TMPRSS12: variants seen among roughly 807,000 people sequenced by gnomAD.
TMPRSS12 encodes transmembrane serine protease 12.
A neutral mutation model predicts 26.0 loss-of-function variants in TMPRSS12; 25 were observed. The observed-to-expected ratio is 0.96, with a 90% CI of 0.70 to 1.34. The LOEUF is 1.34. TMPRSS12 is among the 40% of genes most tolerant of loss of function. The pLI is 0.00. For synonymous variants in TMPRSS12, 150 were observed against 161.7 expected, an observed-to-expected ratio of 0.93 and a Z score of 0.55; for missense variants, 441 against 440.1, an observed-to-expected ratio of 1.00 and a Z score of -0.02.
In TMPRSS12 at chr12:50,843,053, G is replaced by A. The variant is rs1477794939; in HGVS notation, c.89G>A (p.Arg30Lys). ...SDHYSPSGRH[R>K]LGPSPEPAAS... ...CACTACTCGCCCTCTGGAAGGCACA[G>A]GCTCGGCCCCTCGCCGGAACCGGCG... The change falls in exon 1 of 5, where the codon AGG (arginine) becomes AAG (lysine). Residue 30 changes from arginine to lysine, a missense_variant. Coordinates refer to ENST00000398458, the MANE Select transcript of TMPRSS12 (RefSeq NM_182559.3). 6.2e-7 allele frequency: 1 copy of A among 1,601,350 alleles called. No individual in the cohort carries two copies. Among genetic ancestry groups the A allele is most frequent in the Non-Finnish European group, 8.5e-7 (1 of 1,174,392 alleles).
chr12:50,886,273 T>C (rs1450270919), intron 4 of TMPRSS12: 1 of 150,006 alleles, frequency 6.7e-6, no homozygotes, highest in Non-Finnish European at 1.5e-5. Context: ...TCTGAGGTTA[T>C]CATTTGCAGC....
intron 3 of TMPRSS12, among the ~76,000 whole-genome samples, 166 bp downstream of exon 3, chr12:50,859,219 CT>C (rs34544871): frequency 1.1e-3 from 158 of 144,716 alleles, no homozygotes; most frequent in East Asian, 1.6e-3. Context: ...TTTATGGTAC[CT>C]TTTTTTTTTT....
intron 1 of TMPRSS12, 54 bp downstream of exon 1, chr12:50,843,205 G>A (rs1396052697): frequency 2.4e-5 from 35 of 1,449,390 alleles, no homozygotes; most frequent in African/African-American, 2.9e-5. Flanking sequence ...TTTCCCCACC[G>A]CTATAGTCTT....
intron 3 of TMPRSS12, among the ~76,000 whole-genome samples, chr12:50,866,608 G>T (rs1243474889): frequency 6.6e-6 from 1 of 151,724 alleles, no homozygotes; most frequent in Non-Finnish European, 1.5e-5. Context: ...TCCACCACTG[G>T]TTTCTCTCCA....
intron 3 of TMPRSS12, among the ~76,000 whole-genome samples, chr12:50,880,080 A>C (rs1938149616): frequency 6.6e-6 from 1 of 152,240 alleles, no homozygotes; most frequent in South Asian, 2.1e-4. Flanking sequence ...GTAGGTATAC[A>C]AATGGCTAAT....
chr12:50,860,325 T>TA (rs1237359518), intron 3 of TMPRSS12, among the ~76,000 whole-genome samples: 1 of 152,200 alleles, frequency 6.6e-6, no homozygotes, highest in African/African-American at 2.4e-5. Context: ...AATAAAAACA[T>TA]AGACGACACA....
chr12:50,881,230 G>A (rs557664462), intron 3 of TMPRSS12, among the ~76,000 whole-genome samples: 10 of 152,006 alleles, frequency 6.6e-5, no homozygotes, highest in African/African-American at 2.2e-4. Flanking sequence ...TAATCTGCCC[G>A]CCTCAGCCTC....
chr12:50,860,871 A>C (rs1937927885), intron 3 of TMPRSS12, among the ~76,000 whole-genome samples: 1 of 152,050 alleles, frequency 6.6e-6, no homozygotes, highest in South Asian at 2.1e-4. Flanking sequence ...TCAGCCTCCC[A>C]AAGTGCTGAG....
chr12:50,844,828 T>C (rs1169624582), intron 2 of TMPRSS12, among the ~76,000 whole-genome samples: 1 of 152,200 alleles, frequency 6.6e-6, no homozygotes, highest in Non-Finnish European at 1.5e-5. Flanking sequence ...TAAAACTTTA[T>C]GAACACTGAA....
At chr12:50,856,752 CA>C (rs1159555763) in intron 2 of TMPRSS12, among the ~76,000 whole-genome samples, 1 of 152,144 alleles carries the variant, frequency 6.6e-6, no homozygotes, top group Non-Finnish European at 1.5e-5. Flanking sequence ...GTGGCATAGT[CA>C]TGGCTCACTG....
At chr12:50,850,170 T>C (rs864900) in intron 2 of TMPRSS12, among the ~76,000 whole-genome samples, 130,552 of 152,186 alleles carry the variant, frequency 0.86, 57,107 homozygotes, top group East Asian at 0.98. Context: ...ATCCCCAGTA[T>C]TGGAGGTGGG....
At chr12:50,852,162 A>G (rs1937831923) in intron 2 of TMPRSS12, among the ~76,000 whole-genome samples, 1 of 152,224 alleles carries the variant, frequency 6.6e-6, no homozygotes, top group Admixed American at 6.5e-5. Flanking sequence ...AAACAAGCTA[A>G]CAACACAATG....
At position 50,887,712 on chromosome 12, in the gene TMPRSS12, G is replaced by C. The variant is rs2139741496; in HGVS notation, c.*199G>C. 5.5e-6 allele frequency: 3 copies of C among 545,848 alleles called. No homozygotes were observed. In the South Asian group the frequency reaches 8.8e-5, roughly 16 times the overall value. The allele number at this position is 545,848 out of a possible 1,614,324, so 33.8% of individuals were successfully genotyped here. A position where few individuals can be genotyped will look rare whatever the true frequency, so the allele number is the denominator to read the frequency against. On this transcript the variant is annotated 3_prime_UTR_variant, in exon 5 of 5. Transcript: ENST00000398458. ...ATCACATGTCTCCTTGAAATATCTT[G>C]ATTATTTTATAATCATAATTCTGTA... is the stretch of plus-strand genomic sequence containing the variant.
intron 3 of TMPRSS12, among the ~76,000 whole-genome samples, chr12:50,872,574 T>TATATGTACATATATATGAC (rs1938058250): frequency 1.5e-5 from 2 of 135,058 alleles, no homozygotes; most frequent in Non-Finnish European, 3.1e-5. Context: ...ATATATGCCA[T>TATATGTACATATATATGAC]ATATATGTAC....
chr12:50,857,381 G>A (rs1006360597), intron 2 of TMPRSS12, among the ~76,000 whole-genome samples: 3 of 152,122 alleles, frequency 2.0e-5, no homozygotes, highest in African/African-American at 7.2e-5. Flanking sequence ...ATTGATACAC[G>A]TTGCCAAATT....
chr12:50,862,873 A>G (rs1004843820), intron 3 of TMPRSS12, among the ~76,000 whole-genome samples: 6 of 148,508 alleles, frequency 4.0e-5, no homozygotes, highest in African/African-American at 1.5e-4. Flanking sequence ...AGGTAGGTTA[A>G]AAAAAAAAGG....
In TMPRSS12 at chr12:50,885,389, G is replaced by GT. The variant is rs753202427; in HGVS notation, c.795+2dup. On this transcript the variant is annotated splice_donor_variant, in intron 4 of 4. Coordinates refer to ENST00000398458, the MANE Select transcript of TMPRSS12 (RefSeq NM_182559.3). LOFTEE classifies it high-confidence loss of function. Reference sequence around the variant, plus strand: ...AGATGGAGCTTTTGATACTTGCAGGGTAAGACCAAGTAATTTTCCTTTAAA... The same window carrying GT: ...AGATGGAGCTTTTGATACTTGCAGGGTTAAGACCAAGTAATTTTCCTTTAAA... The GT allele has an allele frequency of 6.2e-7, 1 of 1,613,766 alleles. No homozygotes were observed. Among genetic ancestry groups the GT allele is most frequent in the South Asian group, 1.1e-5 (1 of 91,082 alleles).
At chr12:50,867,954 T>C (rs1938006982) in intron 3 of TMPRSS12, among the ~76,000 whole-genome samples, 1 of 152,134 alleles carries the variant, frequency 6.6e-6, no homozygotes, top group Non-Finnish European at 1.5e-5. Context: ...AAGCCACCAC[T>C]ACAAGAACTG....
chr12:50,853,071 A>G (rs1937841241), intron 2 of TMPRSS12, among the ~76,000 whole-genome samples: 1 of 152,164 alleles, frequency 6.6e-6, no homozygotes, highest in South Asian at 2.1e-4. Flanking sequence ...TAGACCACAC[A>G]CTCAGCCATA....
Sources: gnomAD v4.1 joint callset for allele counts (sites outside exome capture counted in the v4.1 genomes callset) on GRCh38, gnomAD v4.1.1 for gene constraint, MANE v1.5 for transcripts, NCBI Gene and HGNC (gene_info 2026-07-23, HGNC 2026-07-21) for gene names.